Variants in CELF2 observed in about 807,000 individuals in gnomAD.
CELF2 encodes the protein CUGBP Elav-like family member 2, also known as CUG triplet repeat RNA-binding protein 2.
In CELF2, 8 loss-of-function variants were observed where a neutral mutation model predicts 62.6. The observed-to-expected ratio is 0.13, with a 90% CI of 0.07 to 0.23. The LOEUF (loss-of-function observed/expected upper bound fraction) is 0.23, where lower values mean the gene tolerates loss of function less well. Among genes scored for constraint, CELF2 ranks in the 10% least tolerant of loss-of-function variants. CELF2 has a pLI of 1.00. For synonymous variants in CELF2, 258 were observed against 250.0 expected, an observed-to-expected ratio of 1.03 and a Z score of -0.30; for missense variants, 333 against 671.0, an observed-to-expected ratio of 0.50 and a Z score of 5.56.
chr10:10,543,795 T>A, the CELF2 span, among the ~76,000 whole-genome samples: 1 of 141,972 alleles, frequency 7.0e-6, no homozygotes, highest in Admixed American at 6.9e-5. Flanking sequence ...CAGTAGACTA[T>A]AATGCCCCCT....
the CELF2 span, among the ~76,000 whole-genome samples, chr10:10,708,911 A>G: frequency 6.6e-6 from 1 of 152,176 alleles, no homozygotes; most frequent in African/African-American, 2.4e-5. Flanking sequence ...ACGTACATCC[A>G]AATAGGCTAA....
Position 11,165,324 on chromosome 10 carries a change from C to T in CELF2, c.75-162C>T. ...CGCCGAGGAGCAACTCATGGTGCCTCCGCTTTGTTTTAGTTCATCAAATTT... is the reference window on the plus strand; with the variant it reads ...CGCCGAGGAGCAACTCATGGTGCCTTCGCTTTGTTTTAGTTCATCAAATTT... On this transcript the variant is annotated intron_variant, in intron 1 of 12. Coordinates refer to ENST00000633077, the MANE Select transcript of CELF2 (RefSeq NM_001326342.2). This position sits in a 1 kb window ranked among gnomAD's most constrained non-coding sequence, Gnocchi z 7.4. 7.0e-7 allele frequency: 1 copy of T among 1,421,552 alleles called. No homozygotes were observed. 88.1% of individuals were successfully genotyped at this position (1,421,552 alleles called of 1,614,324 possible).
intron 2 of CELF2, among the ~76,000 whole-genome samples, chr10:10,958,551 A>C (rs2049141951): frequency 6.6e-6 from 1 of 152,154 alleles, no homozygotes; most frequent in Non-Finnish European, 1.5e-5. Context: ...CTACCTCTCA[A>C]CTGTGTTCGA....
At chr10:10,727,399 A>G in the CELF2 span, among the ~76,000 whole-genome samples, 1 of 152,174 alleles carries the variant, frequency 6.6e-6, no homozygotes, top group Non-Finnish European at 1.5e-5. Context: ...ACTTCACTTT[A>G]TATTGATACG....
chr10:11,045,390 A>C (rs1324121097), intron 1 of CELF2, among the ~76,000 whole-genome samples: 3 of 152,206 alleles, frequency 2.0e-5, no homozygotes, highest in African/African-American at 7.2e-5. Flanking sequence ...GGAGTGAGCC[A>C]CTGCCCCCAG....
intron 2 of CELF2, among the ~76,000 whole-genome samples, chr10:10,956,380 T>C (rs1299911009): frequency 1.3e-5 from 2 of 152,202 alleles, no homozygotes; most frequent in African/African-American, 2.4e-5. Context: ...AGGTACTTTA[T>C]TGGCTTGCAT....
rs1421634325 is a variant in CELF2, at chr10:11,178,848, C to T, written c.271+13166C>T. On this transcript the variant is annotated intron_variant, in intron 2 of 12. Transcript: ENST00000633077. The surrounding 1 kb of genome is among the most constrained non-coding windows in gnomAD (Gnocchi z 4.3). ...TATGAAAACCCATTGGTCGGGCTGCCCTAGCAACACAGAATGCTGTGCTGA... is the reference window on the plus strand; with the variant it reads ...TATGAAAACCCATTGGTCGGGCTGCTCTAGCAACACAGAATGCTGTGCTGA... 6.6e-6 allele frequency among the ~76,000 whole-genome samples: 1 copy of T among 152,186 alleles called. No homozygotes were observed. The highest frequency in any genetic ancestry group is 1.5e-5 in the Non-Finnish European group (1 of 68,030).
At chr10:10,763,392 TC>T in the CELF2 span, among the ~76,000 whole-genome samples, 2 of 152,020 alleles carry the variant, frequency 1.3e-5, no homozygotes, top group Non-Finnish European at 1.5e-5. Context: ...GAAATTGAGA[TC>T]CCTACGTATG....
intron 8 of CELF2, among the ~76,000 whole-genome samples, chr10:11,284,903 G>T (rs1360265893): frequency 6.6e-6 from 1 of 151,152 alleles, no homozygotes; most frequent in South Asian, 2.1e-4. Context: ...TGGATGGGTG[G>T]ATGGTTGGAT....
At chr10:10,671,316 T>G in the CELF2 span, among the ~76,000 whole-genome samples, 4 of 152,220 alleles carry the variant, frequency 2.6e-5, no homozygotes, top group East Asian at 7.7e-4. Flanking sequence ...TGTCTGGATC[T>G]CACAGTTTAT....
chr10:10,661,236 C>G, the CELF2 span, among the ~76,000 whole-genome samples: 1 of 152,202 alleles, frequency 6.6e-6, no homozygotes, highest in Non-Finnish European at 1.5e-5. Flanking sequence ...TACTCGTCTA[C>G]GGTAGACTTC....
chr10:10,647,893 TC>T, the CELF2 span, among the ~76,000 whole-genome samples: 1 of 152,186 alleles, frequency 6.6e-6, no homozygotes, highest in African/African-American at 2.4e-5. Flanking sequence ...TGGGCACTGC[TC>T]TGTGAAAGAG....
intron 2 of CELF2, among the ~76,000 whole-genome samples, chr10:11,206,408 G>A (rs997615238): frequency 2.6e-5 from 4 of 152,178 alleles, no homozygotes; most frequent in African/African-American, 4.8e-5. Flanking sequence ...CCTTATATTA[G>A]AAACTTTCTT....
intron 1 of CELF2, among the ~76,000 whole-genome samples, chr10:11,115,180 G>A (rs1400404900): frequency 6.6e-6 from 1 of 151,944 alleles, no homozygotes; most frequent in Non-Finnish European, 1.5e-5. Flanking sequence ...GTAGTGAGAT[G>A]TACACATCTA....
At chr10:10,488,566 A>G in the CELF2 span, among the ~76,000 whole-genome samples, 4 of 152,154 alleles carry the variant, frequency 2.6e-5, no homozygotes, top group African/African-American at 9.6e-5. Flanking sequence ...CATGTATTTT[A>G]CTAATATCTT....
intron 1 of CELF2, among the ~76,000 whole-genome samples, chr10:11,146,649 G>A (rs1430788261): frequency 1.3e-5 from 2 of 152,180 alleles, no homozygotes; most frequent in Non-Finnish European, 2.9e-5. Flanking sequence ...CATGTGCTCT[G>A]TCGGTGATTT....
Position 11,142,936 on chromosome 10 carries a change from C to T in CELF2, c.75-22550C>T, listed in dbSNP as rs566395239. ...CTCCACTGGGGTTACTCAGTCCCCT[C>T]GTGATTCTTCTGTCCTCCCTCCACT... On this transcript the variant is annotated intron_variant, in intron 1 of 12. Coordinates refer to ENST00000633077, the MANE Select transcript of CELF2 (RefSeq NM_001326342.2). 1.7e-3 allele frequency among the ~76,000 whole-genome samples: 257 copies of T among 149,952 alleles called. 1 individual carries two copies. Among genetic ancestry groups the T allele is most frequent in the African/African-American group, 5.9e-3 (239 of 40,172 alleles).
intron 2 of CELF2, among the ~76,000 whole-genome samples, chr10:11,174,671 G>A (rs2070346541): frequency 6.6e-6 from 1 of 152,168 alleles, no homozygotes; most frequent in Non-Finnish European, 1.5e-5. Flanking sequence ...AATATGTTGG[G>A]CTTTATTGCT....
At chr10:10,530,099 G>A in the CELF2 span, among the ~76,000 whole-genome samples, 1 of 152,130 alleles carries the variant, frequency 6.6e-6, no homozygotes, top group South Asian at 2.1e-4. Flanking sequence ...GAGGGTTCTT[G>A]GATCTCATGC....
Sources: allele counts gnomAD v4.1 joint callset (sites outside exome capture counted in the v4.1 genomes callset), GRCh38; gene constraint gnomAD v4.1.1; non-coding constraint Gnocchi (gnomAD v3.1); transcripts MANE v1.5; gene names NCBI Gene and HGNC (gene_info 2026-07-23, HGNC 2026-07-21).